Variants in BMP6 observed in about 807,000 individuals in gnomAD.
BMP6 encodes the protein VG-1-R.
A neutral mutation model predicts 54.1 loss-of-function variants in BMP6; 17 were observed. The observed-to-expected ratio is 0.31, with a 90% CI of 0.22 to 0.47. BMP6 has a LOEUF of 0.47. Ranked by LOEUF, BMP6 falls within the 20% of genes least tolerant of loss-of-function variation. The pLI is 1.00. For synonymous variants in BMP6, 328 were observed against 291.2 expected, an observed-to-expected ratio of 1.13 and a Z score of -1.28; for missense variants, 720 against 690.4, an observed-to-expected ratio of 1.04 and a Z score of -0.48.
intron 1 of BMP6, among the ~76,000 whole-genome samples, chr6:7,746,992 G>T (rs968703943): frequency 6.6e-6 from 1 of 152,214 alleles, no homozygotes; most frequent in Non-Finnish European, 1.5e-5. Flanking sequence ...GGATTGGTCA[G>T]TGCCAGTTCA....
intron 4 of BMP6, among the ~76,000 whole-genome samples, chr6:7,867,187 A>G (rs1015657140): frequency 6.6e-6 from 1 of 152,082 alleles, no homozygotes; most frequent in Non-Finnish European, 1.5e-5. Context: ...TTTGTAGAGT[A>G]AGTTCTCCTT....
chr6:7,727,261 G>A lies in BMP6; in HGVS notation c.306G>A (p.Pro102=). ...GGCCCCTGCACGGCCTCCAACAGCC[G>A]CAGCCCCCGGCGCTCCGGCAGCAGG... is the stretch of plus-strand genomic sequence containing the variant. ...RPRPLHGLQQ[P]QPPALRQQEE... The change falls in exon 1 of 7, where the codon CCG becomes CCA. Residue 102 remains proline (P), a synonymous_variant. Transcript: ENST00000283147. 1.2e-6 allele frequency: 2 copies of A among 1,605,086 alleles called. No homozygotes were observed. The highest frequency in any genetic ancestry group is 1.7e-4 in the Middle Eastern group (1 of 5,984).
chr6:7,728,587 C>T (rs1369310132), intron 1 of BMP6, among the ~76,000 whole-genome samples: 1 of 152,232 alleles, frequency 6.6e-6, no homozygotes, highest in Non-Finnish European at 1.5e-5. Context: ...GGAGTCAGTG[C>T]CTCCGGTTTG....
intron 1 of BMP6, among the ~76,000 whole-genome samples, chr6:7,732,507 A>C (rs1277845617): frequency 1.3e-5 from 2 of 152,192 alleles, no homozygotes; most frequent in Non-Finnish European, 2.9e-5. Flanking sequence ...ATCAGCTTGG[A>C]GGAGGGCTTC....
At chr6:7,732,065 A>G (rs533228513) in intron 1 of BMP6, among the ~76,000 whole-genome samples, 85 of 152,232 alleles carry the variant, frequency 5.6e-4, no homozygotes, top group Non-Finnish European at 9.4e-4. Flanking sequence ...AAGAAGAAAA[A>G]TGGAATACTC....
At chr6:7,878,083 C>T (rs996167348) in intron 4 of BMP6, among the ~76,000 whole-genome samples, 5 of 152,070 alleles carry the variant, frequency 3.3e-5, no homozygotes, top group Non-Finnish European at 7.4e-5. Flanking sequence ...AGCAGAACTC[C>T]TCTCTCTTCC....
At chr6:7,869,019 C>T (rs1759476764) in intron 4 of BMP6, among the ~76,000 whole-genome samples, 1 of 152,258 alleles carries the variant, frequency 6.6e-6, no homozygotes. Flanking sequence ...CAAAGCACAG[C>T]AGGCAGGGTC....
chr6:7,870,097 A>G (rs901677762), intron 4 of BMP6, among the ~76,000 whole-genome samples: 3 of 152,166 alleles, frequency 2.0e-5, no homozygotes, highest in Non-Finnish European at 4.4e-5. Context: ...ATGCACCTCC[A>G]TATGGCTCCT....
rs765090274 is a variant in BMP6 at position 7,727,175 on chromosome 6, CAGG to C, written c.223_225del (p.Glu75del). 8 of 1,598,384 alleles carry C rather than the reference CAGG, an allele frequency of 5.0e-6. No homozygotes were observed. Among genetic ancestry groups the C allele is most frequent in the Non-Finnish European group, 6.0e-6 (7 of 1,173,416 alleles). On this transcript the variant is annotated inframe_deletion, in exon 1 of 7. Transcript: ENST00000283147. ...CTTCCTGTACCGGCGGCTCAAGACG[CAGG>C]AGAAGCGGGAGATGCAGAAGGAGAT...
intron 1 of BMP6, among the ~76,000 whole-genome samples, chr6:7,784,722 A>G (rs1290332513): frequency 6.6e-6 from 1 of 152,188 alleles, no homozygotes; most frequent in Non-Finnish European, 1.5e-5. Flanking sequence ...TAGTAAGTTG[A>G]TCTTGGACCA....
intron 1 of BMP6, among the ~76,000 whole-genome samples, chr6:7,816,868 C>G (rs115951976): frequency 1.3e-5 from 2 of 151,872 alleles, no homozygotes; most frequent in Non-Finnish European, 2.9e-5. Flanking sequence ...GAAGTTATTA[C>G]TCTACTGTTT....
In BMP6 at chr6:7,809,865, CAA is replaced by C. The variant is rs370696026; in HGVS notation, c.665-35273_665-35272del. Among the ~76,000 whole-genome samples the C allele has an allele frequency of 5.2e-3, 790 of 152,240 alleles. 4 individuals are homozygous for C. Among genetic ancestry groups the C allele is most frequent in the Admixed American group, 0.013 (192 of 15,300 alleles). Reference sequence around the variant, plus strand: ...ATTTTTCTAGGGAACAAAACATTATCAAAGACAGCAAAATTAAGGGAAACTGA... The same window carrying C: ...ATTTTTCTAGGGAACAAAACATTATCAGACAGCAAAATTAAGGGAAACTGA... On this transcript the variant is annotated intron_variant, in intron 1 of 6. Transcript: ENST00000283147.
At chr6:7,760,903 G>C (rs1004950488) in intron 1 of BMP6, among the ~76,000 whole-genome samples, 5 of 152,140 alleles carry the variant, frequency 3.3e-5, no homozygotes, top group Non-Finnish European at 4.4e-5. Context: ...TCTTCACCTC[G>C]TGCTGTAATT....
At chr6:7,768,286 G>A (rs1757723776) in intron 1 of BMP6, among the ~76,000 whole-genome samples, 1 of 152,164 alleles carries the variant, frequency 6.6e-6, no homozygotes, top group African/African-American at 2.4e-5. Flanking sequence ...TAAAACTTGT[G>A]AAAGCATGCC....
At chr6:7,751,785 A>G (rs538668387) in intron 1 of BMP6, among the ~76,000 whole-genome samples, 27 of 152,318 alleles carry the variant, frequency 1.8e-4, no homozygotes, top group Non-Finnish European at 2.8e-4. Context: ...TCTTAGTTAG[A>G]ATGTAAGATG....
intron 3 of BMP6, among the ~76,000 whole-genome samples, chr6:7,862,100 A>T (rs1400393179): frequency 2.0e-5 from 3 of 152,190 alleles, no homozygotes; most frequent in Admixed American, 1.3e-4. Flanking sequence ...TGATTCTGAA[A>T]CTTTGAAAGG....
chr6:7,868,954 G>T (rs1477201917), intron 4 of BMP6, among the ~76,000 whole-genome samples: 1 of 152,040 alleles, frequency 6.6e-6, no homozygotes, highest in Non-Finnish European at 1.5e-5. Context: ...CCCTGCCTTT[G>T]TTTCCCTTCT....
intron 1 of BMP6, among the ~76,000 whole-genome samples, chr6:7,834,359 C>T (rs912567209): frequency 6.6e-6 from 1 of 151,290 alleles, no homozygotes; most frequent in South Asian, 2.1e-4. Flanking sequence ...AATTTCAGTC[C>T]CCCAAGAATT....
Position 7,810,734 on chromosome 6 carries a change from A to G in BMP6, c.665-34406A>G, listed in dbSNP as rs1758423669. Among the ~76,000 whole-genome samples the G allele has an allele frequency of 2.0e-5, 3 of 152,236 alleles. No homozygotes were observed. The South Asian group carries it at 6.2e-4, about 31-fold the overall frequency. On this transcript the variant is annotated intron_variant, in intron 1 of 6. Coordinates refer to ENST00000283147, the MANE Select transcript of BMP6 (RefSeq NM_001718.6). The stretch of plus-strand genomic sequence containing the variant: ...ATTGTATTTTACTAAAACTATGTGT[A>G]TGAAGCATGAAAATACATTTGTTCT...
Sources: gnomAD v4.1 joint callset for allele counts (sites outside exome capture counted in the v4.1 genomes callset) on GRCh38, gnomAD v4.1.1 for gene constraint, MANE v1.5 for transcripts, NCBI Gene and HGNC (gene_info 2026-07-23, HGNC 2026-07-21) for gene names.